Variants in CHAF1B observed in about 807,000 individuals in gnomAD.
The protein encoded by CHAF1B is CAF-1 subunit B.
CHAF1B carries 10 observed loss-of-function variants against 60.7 expected under a neutral mutation model. The ratio of observed to expected loss-of-function variants is 0.16; its 90% confidence interval spans 0.10 to 0.28. The LOEUF (loss-of-function observed/expected upper bound fraction) is 0.28. Among genes scored for constraint, CHAF1B ranks in the 10% least tolerant of loss-of-function variants. The probability of loss-of-function intolerance (pLI) is 1.00; values close to 1 mark genes in which losing one functional copy is unlikely to be tolerated. For missense variants in CHAF1B, 558 were observed against 708.4 expected (o/e 0.79, Z 2.41); for synonymous variants, 261 against 266.1 (o/e 0.98, Z 0.19).
At chr21:36,403,124 G>C (rs2086205396) in intron 8 of CHAF1B, among the ~76,000 whole-genome samples, 1 of 152,028 alleles carries the variant, frequency 6.6e-6, no homozygotes, top group African/African-American at 2.4e-5. Flanking sequence ...AAAAGTTTGG[G>C]AGTAATGAGT....
chr21:36,413,367 G>A (rs773040098), intron 12 of CHAF1B, 52 bp downstream of exon 12: 3 of 1,489,370 alleles, frequency 2.0e-6, no homozygotes, highest in Non-Finnish European at 1.8e-6. Context: ...ACAAAATGCA[G>A]ACAGAACGCT....
chr21:36,396,815 C>T (rs1003310125), intron 5 of CHAF1B, among the ~76,000 whole-genome samples: 3 of 152,178 alleles, frequency 2.0e-5, no homozygotes, highest in African/African-American at 7.2e-5. Context: ...CTGGTCTACT[C>T]GGTCACCTCC....
chr21:36,412,242 G>A (rs1028665116), intron 11 of CHAF1B, among the ~76,000 whole-genome samples: 1 of 152,180 alleles, frequency 6.6e-6, no homozygotes, highest in African/African-American at 2.4e-5. Context: ...TTCCCTGCAT[G>A]CCCCTGCTGC....
At chr21:36,397,017 A>G in intron 5 of CHAF1B, among the ~76,000 whole-genome samples, 1 of 152,000 alleles carries the variant, frequency 6.6e-6, no homozygotes, top group East Asian at 1.9e-4. Flanking sequence ...CCTGCTCCAT[A>G]TTCACTTCGC....
At chr21:36,401,416 A>T (rs1206312446) in intron 7 of CHAF1B, among the ~76,000 whole-genome samples, 1 of 107,376 alleles carries the variant, frequency 9.3e-6, no homozygotes, top group Non-Finnish European at 1.7e-5. Context: ...TTTTTATATT[A>T]TACATAATAT....
chr21:36,392,612 G>C (rs936070883), intron 4 of CHAF1B, among the ~76,000 whole-genome samples: 1 of 151,588 alleles, frequency 6.6e-6, no homozygotes, highest in African/African-American at 2.4e-5. Context: ...CTTCCCAGAC[G>C]GGGCGGCTGC....
In CHAF1B at chr21:36,411,516, G is replaced by A. The variant is rs780072017; in HGVS notation, c.973G>A (p.Asp325Asn). ...YRLVFAVASE[D>N]SVLLYDTQQS... ...CCTGGTGTTTGCTGTGGCCTCGGAG[G>A]ATTCCGTGCTTCTGTATGACACCCA... The change falls in exon 11 of 14, where the codon GAT (aspartate) becomes AAT (asparagine). Residue 325 changes from aspartate (D) to asparagine (N), a missense_variant. This residue lies in a region of CHAF1B where 325 missense variants were observed against 493.5 expected (regional missense o/e 0.66). Transcript: ENST00000314103. The A allele has an allele frequency of 4.3e-6, 7 of 1,614,112 alleles. No individual in the cohort carries two copies. The highest frequency in any genetic ancestry group is 5.9e-6 in the Non-Finnish European group (7 of 1,180,024).
intron 2 of CHAF1B, among the ~76,000 whole-genome samples, chr21:36,386,591 C>G (rs905766673): frequency 3.3e-5 from 5 of 152,192 alleles, no homozygotes; most frequent in African/African-American, 1.2e-4. Context: ...GAGCCAGACC[C>G]TTCTCTTAAG....
chr21:36,393,209 C>CGGGAGAGGGAGAGGGAGACGGTGGA (rs1012940862), intron 4 of CHAF1B, among the ~76,000 whole-genome samples: 2 of 151,734 alleles, frequency 1.3e-5, no homozygotes, highest in African/African-American at 4.8e-5. Context: ...GTGGAGAGAG[C>CGGGAGAGGGAGAGGGAGACGGTGGA]GGGAGAGGGA....
rs1399197206 is a variant in CHAF1B at position 36,413,010 on chromosome 21, T to A, written c.1188T>A (p.Asp396Glu). Residue 396 changes from aspartate to glutamate, a missense_variant, in exon 12 of 14, where the codon GAT (aspartate) becomes GAA (glutamate). Asp to Glu is a conservative substitution (Grantham distance 45, BLOSUM62 2). Around this residue, in one of 2 missense-constraint regions of CHAF1B, gnomAD observed 233 missense variants for 214.9 expected, o/e 1.08. Coordinates refer to ENST00000314103, the MANE Select transcript of CHAF1B (RefSeq NM_005441.3). ...EKPVLNMRTP[D>E]TAKKTKSQTH... is the part of the protein sequence containing the mutation. Reference sequence around the variant, plus strand: ...CAGTTTTGAACATGAGAACTCCTGATACAGCAAAGAAAACCAAGAGTCAGA... The same window carrying A: ...CAGTTTTGAACATGAGAACTCCTGAAACAGCAAAGAAAACCAAGAGTCAGA... 1.9e-6 allele frequency: 3 copies of A among 1,614,036 alleles called. No individual in the cohort carries two copies. The South Asian group carries it at 3.3e-5, about 18-fold the overall frequency.
intron 13 of CHAF1B, chr21:36,415,934 G>A (rs2086315825): frequency 3.1e-6 from 1 of 322,290 alleles, no homozygotes; most frequent in African/African-American, 2.2e-5. Flanking sequence ...TGTATTTTTA[G>A]TAGAGTCGGG....
Position 36,417,446 on chromosome 21 carries a change from C to T in CHAF1B, c.*1080C>T, listed in dbSNP as rs1398277365. 1.3e-5 allele frequency: 2 copies of T among 152,164 alleles called. No homozygotes were observed. Among genetic ancestry groups the T allele is most frequent in the East Asian group, 3.9e-4 (2 of 5,180 alleles). 9.4% of individuals were successfully genotyped at this position (152,164 alleles called of 1,614,324 possible). A position where few individuals can be genotyped will look rare whatever the true frequency, so the allele number is the denominator to read the frequency against. On this transcript the variant is annotated 3_prime_UTR_variant, in exon 14 of 14. Coordinates refer to ENST00000314103, the MANE Select transcript of CHAF1B (RefSeq NM_005441.3). ...CTGGGTTCAAACGATTCTCCTGCCT[C>T]TGCCTCTTGAGTAGCTAGGATTACA...
intron 7 of CHAF1B, among the ~76,000 whole-genome samples, chr21:36,402,536 A>AAC (rs1390476084): frequency 6.6e-6 from 1 of 152,194 alleles, no homozygotes; most frequent in African/African-American, 2.4e-5. Context: ...GTTTTCATGA[A>AAC]TGTTTACCCT....
At chr21:36,396,847 A>G (rs527640470) in intron 5 of CHAF1B, among the ~76,000 whole-genome samples, 6 of 151,978 alleles carry the variant, frequency 3.9e-5, no homozygotes, top group Non-Finnish European at 5.9e-5. Flanking sequence ...CCTCTTTGTC[A>G]TCTTCTAAAC....
At chr21:36,398,568 G>A (rs1488831002) in intron 6 of CHAF1B, among the ~76,000 whole-genome samples, 1 of 151,992 alleles carries the variant, frequency 6.6e-6, no homozygotes, top group Non-Finnish European at 1.5e-5. Flanking sequence ...CCGTATTGAC[G>A]ATGCTGGTCT....
intron 4 of CHAF1B, 117 bp downstream of exon 4, chr21:36,391,785 C>A: frequency 1.5e-6 from 1 of 647,042 alleles, no homozygotes; most frequent in Non-Finnish European, 2.8e-6. Context: ...GTCGCCCAGG[C>A]TGGAGTGCTG....
chr21:36,391,026 C>G (rs1183621674), intron 3 of CHAF1B, among the ~76,000 whole-genome samples: 2 of 152,198 alleles, frequency 1.3e-5, no homozygotes, highest in Non-Finnish European at 2.9e-5. Flanking sequence ...GGTTTCTGAG[C>G]TAGGAACATT....
At chr21:36,399,202 T>A (rs1017708760) in intron 6 of CHAF1B, among the ~76,000 whole-genome samples, 1 of 151,892 alleles carries the variant, frequency 6.6e-6, no homozygotes, top group African/African-American at 2.4e-5. Flanking sequence ...GCCCGGCTAA[T>A]TTTTTGTATT....
At chr21:36,411,693 T>A in intron 11 of CHAF1B, 89 bp downstream of exon 11, 1 of 1,454,078 alleles carries the variant, frequency 6.9e-7, no homozygotes, top group African/African-American at 1.4e-5. Context: ...ATTTCATTAC[T>A]AAAGATGGCT....
Sources: allele counts gnomAD v4.1 joint callset (sites outside exome capture counted in the v4.1 genomes callset), GRCh38; gene constraint gnomAD v4.1.1; regional missense constraint gnomAD v4.1.1; transcripts MANE v1.5; gene names NCBI Gene and HGNC (gene_info 2026-07-23, HGNC 2026-07-21).